The following CRNKL1 variants were observed in gnomAD, a reference collection of about 807,000 sequenced individuals.
CRNKL1 encodes crooked neck pre-mRNA splicing factor 1.
A neutral mutation model predicts 103.7 loss-of-function variants in CRNKL1; 35 were observed. The observed-to-expected ratio is 0.34, with a 90% CI of 0.26 to 0.45. The LOEUF is 0.45. Among genes scored for constraint, CRNKL1 ranks in the 20% least tolerant of loss-of-function variants. The pLI is 1.00. For missense variants in CRNKL1, 645 were observed against 836.0 expected, an observed-to-expected ratio of 0.77 and a Z score of 2.82; for synonymous variants, 267 against 282.6, an observed-to-expected ratio of 0.94 and a Z score of 0.55.
chr20:20,048,047 T>G, intron 4 of CRNKL1, 116 bp from the exon 5 acceptor site: 1 of 1,288,428 alleles, frequency 7.8e-7, no homozygotes, highest in Non-Finnish European at 1.1e-6. Flanking sequence ...TTTTGTCATT[T>G]GTATGTAAAT....
At chr20:20,040,472 CAG>C (rs2043495589) in intron 10 of CRNKL1, among the ~76,000 whole-genome samples, 1 of 151,968 alleles carries the variant, frequency 6.6e-6, no homozygotes, top group South Asian at 2.1e-4. Flanking sequence ...AATATTGAAA[CAG>C]AATGTTAATT....
chr20:20,043,610 T>C lies in CRNKL1; in HGVS notation c.854A>G (p.Gln285Arg), dbSNP rs1392375190. The part of the protein sequence containing the change: ...YKYALDRISK[Q>R]DAQELFKNYT... ...ATTTTTAAAGAGTTCTTGGGCATCT[T>C]GTTTTGAAATTCTGTCCAGGGCATA... The change falls in exon 7 of 14, where the codon CAA becomes CGA. Residue 285 changes from glutamine to arginine, a missense_variant. Physicochemically the swap from Gln to Arg is conservative, Grantham distance 43 (BLOSUM62 1). Transcript: ENST00000536226. 6.2e-7 allele frequency: 1 copy of C among 1,614,172 alleles called. No homozygotes were observed. The highest frequency in any genetic ancestry group is 8.5e-7 in the Non-Finnish European group (1 of 1,180,004).
intron 7 of CRNKL1, among the ~76,000 whole-genome samples, 157 bp downstream of exon 7, chr20:20,043,335 C>T (rs2043544876): frequency 6.6e-6 from 1 of 152,188 alleles, no homozygotes; most frequent in South Asian, 2.1e-4. Context: ...CTTGTTTATT[C>T]CTACTTGTCT....
At chr20:20,042,222 T>C in intron 8 of CRNKL1, 103 bp downstream of exon 8, 2 of 1,102,148 alleles carry the variant, frequency 1.8e-6, no homozygotes, top group Non-Finnish European at 2.5e-6. Flanking sequence ...AATTTAAAAC[T>C]AAATTTCCTT....
rs774158149 is a variant in CRNKL1 at position 20,052,421 on chromosome 20, A to C, written c.-79T>G. On this transcript the variant is annotated 5_prime_UTR_variant, in exon 1 of 14. Transcript: ENST00000536226. The stretch of plus-strand genomic sequence containing the variant: ...GGCTCTGAGAGCTCACCGAAACCAC[A>C]AAGCTTTCAGAAAACAAACAGGATC... The C allele has an allele frequency of 1.2e-6, 2 of 1,614,154 alleles. No homozygotes were observed. The highest frequency in any genetic ancestry group is 1.7e-6 in the Non-Finnish European group (2 of 1,180,024).
intron 2 of CRNKL1, among the ~76,000 whole-genome samples, chr20:20,049,825 T>TG (rs1262972051): frequency 6.6e-6 from 1 of 151,132 alleles, no homozygotes; most frequent in East Asian, 1.9e-4. Flanking sequence ...TTTCTTTCTT[T>TG]TTTTTTTTTT....
chr20:20,046,816 C>T (rs2043601087), intron 5 of CRNKL1, among the ~76,000 whole-genome samples: 1 of 152,222 alleles, frequency 6.6e-6, no homozygotes, highest in African/African-American at 2.4e-5. Flanking sequence ...CAAGCCTCAC[C>T]TTGTTGGACT....
intron 9 of CRNKL1, among the ~76,000 whole-genome samples, chr20:20,041,262 C>T (rs1384084968): frequency 6.6e-6 from 1 of 152,234 alleles, no homozygotes; most frequent in Non-Finnish European, 1.5e-5. Flanking sequence ...CCAACAAACC[C>T]GCCTGTGTGT....
chr20:20,038,050 G>T (rs2043450024), intron 12 of CRNKL1, among the ~76,000 whole-genome samples: 1 of 150,720 alleles, frequency 6.6e-6, no homozygotes, highest in Non-Finnish European at 1.5e-5. Flanking sequence ...TAACGCCACT[G>T]CACTCCAGCC....
In CRNKL1 at chr20:20,034,796, C is replaced by CTGTT. The variant is rs1445246709; in HGVS notation, c.*1395_*1398dup. ...TCCTAGTTTCTTCTGTCCTCAAACACTGTTATTTATTTTCAAGATAAAATT... is the reference window on the plus strand; with the variant it reads ...TCCTAGTTTCTTCTGTCCTCAAACACTGTTTGTTATTTATTTTCAAGATAAAATT... On this transcript the variant is annotated 3_prime_UTR_variant, in exon 14 of 14. Transcript: ENST00000536226. 3 of 152,326 alleles carry CTGTT rather than the reference C, an allele frequency of 2.0e-5. No individual in the cohort carries two copies. Among genetic ancestry groups the CTGTT allele is most frequent in the East Asian group, 1.9e-4 (1 of 5,190 alleles). The allele number at this position is 152,326 out of a possible 1,614,324, so 9.4% of individuals were successfully genotyped here. A position where few individuals can be genotyped will look rare whatever the true frequency, so the allele number is the denominator to read the frequency against.
At chr20:20,045,924 A>G (rs978271720) in intron 5 of CRNKL1, among the ~76,000 whole-genome samples, 5 of 152,254 alleles carry the variant, frequency 3.3e-5, no homozygotes, top group Non-Finnish European at 5.9e-5. Flanking sequence ...CCAAAAGAAC[A>G]TGGCACCGTA....
chr20:20,047,177 C>A (rs2043606131), intron 5 of CRNKL1, among the ~76,000 whole-genome samples: 1 of 152,176 alleles, frequency 6.6e-6, no homozygotes, highest in South Asian at 2.1e-4. Flanking sequence ...CAATGGCAGC[C>A]AGGACCTTAG....
chr20:20,040,330 C>CAAAAAAAAAAAAAAAAAAAAAA (rs781058387), intron 10 of CRNKL1, among the ~76,000 whole-genome samples: 1 of 79,296 alleles, frequency 1.3e-5, no homozygotes, highest in African/African-American at 4.7e-5. Flanking sequence ...ACCAAACAAA[C>CAAAAAAAAAAAAAAAAAAAAAA]AAAAAAAAAA....
chr20:20,052,011 A>C (rs1319973405), intron 1 of CRNKL1, among the ~76,000 whole-genome samples: 1 of 152,156 alleles, frequency 6.6e-6, no homozygotes, highest in Non-Finnish European at 1.5e-5. Flanking sequence ...GTACGAGCGT[A>C]GCTTCCCAGC....
intron 13 of CRNKL1, 140 bp downstream of exon 13, chr20:20,037,183 G>T: frequency 3.0e-6 from 3 of 1,015,936 alleles, no homozygotes; most frequent in East Asian, 2.4e-5. Flanking sequence ...ATAACAGCCA[G>T]ATTGCAACCA....
rs1315344111 is a variant in CRNKL1 at position 20,040,721 on chromosome 20, G to T, written c.1270C>A (p.Arg424=). ...CTGGCTAATGACAGATTCTTCTGTC[G>T]TATTTCAAACTGTGCATACAGTATC... The part of the protein sequence containing the change: ...MWILYAQFEI[R]QKNLSLARRA... Residue 424 remains arginine, a synonymous_variant, in exon 10 of 14, where the codon CGA becomes AGA. Coordinates refer to ENST00000536226, the MANE Select transcript of CRNKL1 (RefSeq NM_001278628.2). 1.2e-6 allele frequency: 2 copies of T among 1,611,492 alleles called. No homozygotes were observed. The highest frequency in any genetic ancestry group is 1.7e-6 in the Non-Finnish European group (2 of 1,179,416).
In CRNKL1 at chr20:20,038,454, A is replaced by C. The variant is rs2043458492; in HGVS notation, c.1546-4T>G. 3.3e-6 allele frequency: 5 copies of C among 1,528,056 alleles called. No individual in the cohort carries two copies. Among genetic ancestry groups the C allele is most frequent in the Non-Finnish European group, 4.4e-6 (5 of 1,125,598 alleles). The allele number at this position is 1,528,056 out of a possible 1,614,324, so 94.7% of individuals were successfully genotyped here. On this transcript the variant is annotated splice_region_variant and splice_polypyrimidine_tract_variant and intron_variant, in intron 11 of 13. Transcript: ENST00000536226. ...CAATATATGATTTCCAAAGCACCTA[A>C]GGAAGAAAAGTAAATGGGTCAGTCT...
intron 10 of CRNKL1, among the ~76,000 whole-genome samples, chr20:20,040,115 T>C (rs1172234624): frequency 2.6e-5 from 4 of 152,132 alleles, no homozygotes; most frequent in Non-Finnish European, 5.9e-5. Flanking sequence ...TCTCAGGATC[T>C]CCTAGGGAAT....
chr20:20,036,468 A>C, intron 13 of CRNKL1, 106 bp from the exon 14 acceptor site: 1 of 1,040,610 alleles, frequency 9.6e-7, no homozygotes, highest in Non-Finnish European at 1.4e-6. Context: ...CATTTTACAA[A>C]ATAACATCAA....
Sources: gnomAD v4.1 joint callset for allele counts (sites outside exome capture counted in the v4.1 genomes callset) on GRCh38, gnomAD v4.1.1 for gene constraint, MANE v1.5 for transcripts, NCBI Gene and HGNC (gene_info 2026-07-23, HGNC 2026-07-21) for gene names.